Variants in NBN observed in about 807,000 individuals in gnomAD.
NBN encodes Nijmegen breakage syndrome 1 (nibrin).
NBN carries 88 observed loss-of-function variants against 90.8 expected under a neutral mutation model. The ratio of observed to expected loss-of-function variants is 0.97; its 90% CI spans 0.82 to 1.16. The LOEUF (loss-of-function observed/expected upper bound fraction) is 1.16. Ranked by LOEUF, NBN falls within the 50% of genes most tolerant of loss-of-function variation. The probability of loss-of-function intolerance (pLI) is 0.00; values close to 1 mark genes in which losing one functional copy is unlikely to be tolerated. For missense variants in NBN, 894 were observed against 869.6 expected (o/e 1.03, Z -0.35); for synonymous variants, 328 against 295.1 (o/e 1.11, Z -1.14).
At chr8:89,943,471 A>C in intron 13 of NBN, 105 bp from the exon 14 acceptor site, 1 of 1,144,124 alleles carries the variant, frequency 8.7e-7, no homozygotes, top group Non-Finnish European at 1.3e-6. Context: ...CATAAGTGCC[A>C]AAGATGTTTA....
At position 89,958,716 on chromosome 8, in the gene NBN, A is replaced by C. The variant is rs864622466; in HGVS notation, c.1124+9T>G. 1.2e-5 allele frequency: 19 copies of C among 1,612,646 alleles called. No individual in the cohort carries two copies. The highest frequency in any genetic ancestry group is 2.7e-5 in the African/African-American group (2 of 74,876). On this transcript the variant is annotated intron_variant, in intron 9 of 15. Coordinates refer to ENST00000265433, the MANE Select transcript of NBN (RefSeq NM_002485.5). Reference sequence around the variant, plus strand: ...TAATAACAATAGTACGGTAATGAAGAAGCTTTACCATGTATCTGCTTGCTC... The same window carrying C: ...TAATAACAATAGTACGGTAATGAAGCAGCTTTACCATGTATCTGCTTGCTC...
At chr8:89,953,816 A>T (rs1263458593) in intron 10 of NBN, 125 bp from the exon 11 acceptor site, 2 of 744,504 alleles carry the variant, frequency 2.7e-6, no homozygotes, top group East Asian at 5.4e-5. Flanking sequence ...TTTATTAACA[A>T]TATTACTGGA....
chr8:89,939,663 G>T (rs1450838148), intron 14 of NBN, among the ~76,000 whole-genome samples: 1 of 152,138 alleles, frequency 6.6e-6, no homozygotes, highest in Non-Finnish European at 1.5e-5. Flanking sequence ...CTACACAACT[G>T]GTCAAACCTG....
At chr8:89,957,421 G>C (rs1307770028) in intron 9 of NBN, among the ~76,000 whole-genome samples, 2 of 152,112 alleles carry the variant, frequency 1.3e-5, no homozygotes, top group Non-Finnish European at 2.9e-5. Flanking sequence ...TTTTAAGCTA[G>C]GTATTATTAA....
intron 7 of NBN, among the ~76,000 whole-genome samples, chr8:89,968,044 G>C (rs1254106386): frequency 6.6e-6 from 1 of 152,158 alleles, no homozygotes; most frequent in African/African-American, 2.4e-5. Context: ...GATCACTTCA[G>C]CTCAGGAGTT....
chr8:89,981,534 A>G lies in NBN; in HGVS notation c.172-11T>C, dbSNP rs1288687680. 1 of 1,612,462 alleles carries G rather than the reference A, an allele frequency of 6.2e-7. No individual in the cohort carries two copies. Among genetic ancestry groups the G allele is most frequent in the South Asian group, 1.1e-5 (1 of 91,018 alleles). ...TTCATCTGTTTGACTCTGAAAAGTT[A>G]GCAAATAATTTAAAGTCTTTTACCA... On this transcript the variant is annotated splice_polypyrimidine_tract_variant and intron_variant, in intron 2 of 15. Transcript: ENST00000265433.
chr8:89,970,613 T>C (rs909203620), intron 6 of NBN, 56 bp from the exon 7 acceptor site: 29 of 1,505,946 alleles, frequency 1.9e-5, no homozygotes, highest in Non-Finnish European at 2.3e-5. Context: ...TTTGAACACA[T>C]AAGAATTTGA....
Position 89,946,195 on chromosome 8 carries a change from G to T in NBN, c.2015C>A (p.Pro672Gln). The stretch of plus-strand genomic sequence containing the variant: ...ACCATAATCATCATTTATGCCAGAT[G>T]GATTTCTGGAAGTAGAGTTTTTAAT... ...LVIKNSTSRN[P>Q]SGINDDYGQL... Residue 672 changes from proline (P) to glutamine (Q), a missense_variant, in exon 13 of 16, where the codon CCA (proline) becomes CAA (glutamine). Pro to Gln is a moderately conservative substitution (Grantham distance 76, BLOSUM62 -1). Coordinates refer to ENST00000265433, the MANE Select transcript of NBN (RefSeq NM_002485.5). 6.2e-7 allele frequency: 1 copy of T among 1,601,136 alleles called. No individual in the cohort carries two copies. Among genetic ancestry groups the T allele is most frequent in the Non-Finnish European group, 8.6e-7 (1 of 1,168,864 alleles).
chr8:89,965,973 A>G (rs941541637), intron 7 of NBN, among the ~76,000 whole-genome samples: 6 of 152,244 alleles, frequency 3.9e-5, no homozygotes, highest in Non-Finnish European at 7.3e-5. Context: ...AATTTAGGTA[A>G]TTCAAAACTG....
At chr8:89,952,796 G>GT (rs1279799550) in intron 11 of NBN, among the ~76,000 whole-genome samples, 1 of 152,088 alleles carries the variant, frequency 6.6e-6, no homozygotes, top group Non-Finnish European at 1.5e-5. Flanking sequence ...ATCAAAGTGG[G>GT]TAAGACAAAT....
chr8:89,960,635 A>G (rs186148213), intron 8 of NBN, among the ~76,000 whole-genome samples: 12 of 152,264 alleles, frequency 7.9e-5, no homozygotes, highest in Admixed American at 3.3e-4. Context: ...TGGGTGACAG[A>G]GCAAGACTTT....
At chr8:89,982,665 T>A in intron 2 of NBN, 57 bp downstream of exon 2, 1 of 1,429,552 alleles carries the variant, frequency 7.0e-7, no homozygotes, top group East Asian at 2.3e-5. Flanking sequence ...ACCAAGAGAA[T>A]ATTTTGTGAT....
In NBN at chr8:89,955,486, T is replaced by C. The variant is rs200046373; in HGVS notation, c.1194A>G (p.Gln398=). 1.9e-6 allele frequency: 3 copies of C among 1,613,682 alleles called. No individual in the cohort carries two copies. Among genetic ancestry groups the C allele is most frequent in the Non-Finnish European group, 2.5e-6 (3 of 1,179,674 alleles). The change falls in exon 10 of 16, where the codon CAA becomes CAG. Residue 398 remains glutamine (Q), a synonymous_variant. Coordinates refer to ENST00000265433, the MANE Select transcript of NBN (RefSeq NM_002485.5). ...AGGACTCCTTTACAGTGGGTGCATC[T>C]TGTGAAAGCATTCTGAATTTTTGTT... ...KMEQKFRMLS[Q]DAPTVKESCK... is the part of the protein sequence containing the mutation.
intron 7 of NBN, among the ~76,000 whole-genome samples, chr8:89,965,691 C>T (rs765904773): frequency 5.3e-5 from 8 of 151,930 alleles, no homozygotes; most frequent in East Asian, 3.9e-4. Context: ...GGTTTCACTA[C>T]GCTGGCCAGG....
In NBN at chr8:89,935,501, CTA is replaced by C; in HGVS notation, c.*79_*80del. 6.5e-7 allele frequency: 1 copy of C among 1,543,068 alleles called. No homozygotes were observed. Among genetic ancestry groups the C allele is most frequent in the Non-Finnish European group, 8.9e-7 (1 of 1,118,998 alleles). On this transcript the variant is annotated 3_prime_UTR_variant, in exon 16 of 16. Coordinates refer to ENST00000265433, the MANE Select transcript of NBN (RefSeq NM_002485.5). ...TTGTAACTTAAATCGCTTCTATACA[CTA>C]TATATTCATATAACCTTGTTGGCCT...
chr8:89,951,237 G>A (rs1353558585), intron 11 of NBN, among the ~76,000 whole-genome samples: 4 of 150,376 alleles, frequency 2.7e-5, no homozygotes, highest in Non-Finnish European at 5.9e-5. Context: ...GCGTGAACCC[G>A]GGAGGCGGAG....
At chr8:89,978,191 T>C in intron 5 of NBN, 29 bp downstream of exon 5, 1 of 1,562,100 alleles carries the variant, frequency 6.4e-7, no homozygotes, top group Non-Finnish European at 8.8e-7. Context: ...ATAAGTGACA[T>C]CTTGTTATAT....
intron 12 of NBN, among the ~76,000 whole-genome samples, chr8:89,947,353 T>C (rs1439289161): frequency 6.6e-6 from 1 of 152,082 alleles, no homozygotes; most frequent in Admixed American, 6.6e-5. Context: ...ATCCAGGCCG[T>C]GCATGGTGGC....
intron 11 of NBN, among the ~76,000 whole-genome samples, chr8:89,951,131 C>T (rs1554557603): frequency 1.3e-5 from 2 of 151,778 alleles, no homozygotes; most frequent in Non-Finnish European, 1.5e-5. Context: ...GCTAACACAG[C>T]GAAACCCCAT....
Sources: gnomAD v4.1 joint callset for allele counts (sites outside exome capture counted in the v4.1 genomes callset) on GRCh38, gnomAD v4.1.1 for gene constraint, MANE v1.5 for transcripts, NCBI Gene and HGNC (gene_info 2026-07-23, HGNC 2026-07-21) for gene names.